The following GOLM2 variants were observed in gnomAD, a reference collection of about 807,000 sequenced individuals.
The protein encoded by GOLM2 is golgi membrane protein 2, also known as protein GOLM2.
A neutral mutation model predicts 55.9 loss-of-function variants in GOLM2; 26 were observed. The observed-to-expected ratio is 0.47, with a 90% CI of 0.34 to 0.65. The LOEUF (loss-of-function observed/expected upper bound fraction) is 0.65. Ranked by LOEUF, GOLM2 falls within the 30% of genes least tolerant of loss-of-function variation. GOLM2 has a pLI of 0.01. For missense variants in GOLM2, 486 were observed against 531.8 expected (o/e 0.91, Z 0.85); for synonymous variants, 165 against 194.6 (o/e 0.85, Z 1.27).
intron 8 of GOLM2, among the ~76,000 whole-genome samples, chr15:44,383,959 G>A (rs191590600): frequency 9.2e-5 from 14 of 152,178 alleles, no homozygotes; most frequent in South Asian, 8.3e-4. Context: ...GATTACAAGC[G>A]TGAGCCACCA....
chr15:44,402,955 G>C lies in GOLM2; in HGVS notation c.1141G>C (p.Gly381Arg). 1.9e-6 allele frequency: 3 copies of C among 1,614,028 alleles called. No homozygotes were observed. Among genetic ancestry groups the C allele is most frequent in the Non-Finnish European group, 2.5e-6 (3 of 1,179,998 alleles). ...TGGCTCTAAACTGGCGGATTATAAT[G>C]GGGATGATGGTAACGTAGGTGAGTA... is the stretch of plus-strand genomic sequence containing the variant. ...QHGSKLADYN[G>R]DDGNVGEYEA... The change falls in exon 9 of 10, where the codon GGG becomes CGG. Residue 381 changes from glycine (G) to arginine (R), a missense_variant. Gly to Arg is a moderately radical substitution (Grantham distance 125). Transcript: ENST00000299957.
intron 1 of GOLM2, among the ~76,000 whole-genome samples, chr15:44,300,152 AGGAGGAAAGAGAAGGAAGGAAGGAAG>A (rs2078787302): frequency 7.0e-6 from 1 of 141,900 alleles, no homozygotes; most frequent in Non-Finnish European, 1.5e-5. Context: ...AGGGGAGGGG[AGGAGGAAAGAGAAGGAAGGAAGGAAG>A]GGAGGGAAGG....
intron 2 of GOLM2, among the ~76,000 whole-genome samples, chr15:44,323,441 C>A (rs1420009254): frequency 6.6e-6 from 1 of 151,080 alleles, no homozygotes; most frequent in Non-Finnish European, 1.5e-5. Flanking sequence ...GTTTTAGATA[C>A]CCTGGGAACA....
chr15:44,325,999 C>T (rs1369343443), intron 2 of GOLM2, among the ~76,000 whole-genome samples: 1 of 151,896 alleles, frequency 6.6e-6, no homozygotes, highest in Non-Finnish European at 1.5e-5. Context: ...CACGGTGGCT[C>T]ACGCTTGTAA....
intron 6 of GOLM2, among the ~76,000 whole-genome samples, chr15:44,364,393 G>A (rs1009718541): frequency 4.1e-5 from 6 of 148,070 alleles, no homozygotes; most frequent in Non-Finnish European, 7.5e-5. Context: ...AGGTGTGGCC[G>A]GGCGCGGTGG....
At chr15:44,395,834 G>A (rs150115497) in intron 8 of GOLM2, among the ~76,000 whole-genome samples, 145 of 151,646 alleles carry the variant, frequency 9.6e-4, no homozygotes, top group African/African-American at 2.6e-3. Flanking sequence ...ACAAGACTCC[G>A]TCTCAAAAAT....
chr15:44,314,792 A>T (rs1285152914), intron 1 of GOLM2, among the ~76,000 whole-genome samples: 1 of 152,164 alleles, frequency 6.6e-6, no homozygotes, highest in Admixed American at 6.5e-5. Flanking sequence ...TATTTGAGAA[A>T]GTATTCAAAA....
chr15:44,323,428 A>T (rs1255932400), intron 2 of GOLM2, among the ~76,000 whole-genome samples: 3 of 152,030 alleles, frequency 2.0e-5, no homozygotes, highest in African/African-American at 7.2e-5. Flanking sequence ...CTCCAAGCTT[A>T]AGGTTTTAGA....
At chr15:44,305,306 A>G (rs181748561) in intron 1 of GOLM2, among the ~76,000 whole-genome samples, 9 of 151,860 alleles carry the variant, frequency 5.9e-5, no homozygotes, top group African/African-American at 2.2e-4. Flanking sequence ...AAATTATTAT[A>G]ATTTTTTTTT....
intron 1 of GOLM2, among the ~76,000 whole-genome samples, chr15:44,315,396 G>A (rs989316877): frequency 6.6e-6 from 1 of 152,190 alleles, no homozygotes; most frequent in African/African-American, 2.4e-5. Flanking sequence ...CATTTTCAAG[G>A]TTCCCCCAAA....
intron 1 of GOLM2, among the ~76,000 whole-genome samples, chr15:44,321,502 G>C (rs954024690): frequency 2.0e-5 from 3 of 149,908 alleles, no homozygotes; most frequent in Non-Finnish European, 3.0e-5. Context: ...TGGGGGGATA[G>C]CATGAGGGAG....
chr15:44,372,180 C>T (rs1360976716), intron 6 of GOLM2, among the ~76,000 whole-genome samples: 1 of 152,148 alleles, frequency 6.6e-6, no homozygotes, highest in Non-Finnish European at 1.5e-5. Flanking sequence ...GCAGTAGAAC[C>T]ACCTTTGGAG....
chr15:44,314,099 T>C (rs2078892134), intron 1 of GOLM2, among the ~76,000 whole-genome samples: 1 of 151,292 alleles, frequency 6.6e-6, no homozygotes, highest in Non-Finnish European at 1.5e-5. Context: ...TAGCCGGGTG[T>C]TGTGGCGGGC....
At position 44,338,247 on chromosome 15, in the gene GOLM2, A is replaced by G. The variant is rs202050874; in HGVS notation, c.732A>G (p.Lys244=). The G allele has an allele frequency of 3.1e-5, 50 of 1,613,592 alleles. No individual in the cohort carries two copies. The East Asian group carries it at 1.0e-3, about 33-fold the overall frequency. The change falls in exon 6 of 10, where the codon AAA becomes AAG. Residue 244 remains lysine, a synonymous_variant. Coordinates refer to ENST00000299957, the MANE Select transcript of GOLM2 (RefSeq NM_138423.4). ...NHIPHGKEQI[K]RGGDAGMPGI... is the part of the protein sequence containing the mutation. Reference sequence around the variant, plus strand: ...TTGTTACTTGGGCAGAACAAATCAAAAGAGGTGGTGATGCAGGGATGCCTG... The same window carrying G: ...TTGTTACTTGGGCAGAACAAATCAAGAGAGGTGGTGATGCAGGGATGCCTG...
chr15:44,409,736 G>T (rs145469630), intron 9 of GOLM2: 2 of 146,140 alleles, frequency 1.4e-5, no homozygotes, highest in African/African-American at 5.1e-5. Context: ...GTAAAACCCC[G>T]TCTCTACTAA....
intron 8 of GOLM2, among the ~76,000 whole-genome samples, chr15:44,402,172 T>C (rs1188040819): frequency 1.3e-5 from 2 of 151,448 alleles, no homozygotes; most frequent in East Asian, 3.9e-4. Flanking sequence ...TATAATATAC[T>C]GGCCTGTTAT....
intron 6 of GOLM2, among the ~76,000 whole-genome samples, chr15:44,369,067 T>TATATATATATA (rs1555424961): frequency 3.5e-4 from 8 of 22,976 alleles, no homozygotes; most frequent in African/African-American, 1.2e-3. Flanking sequence ...ATAGGATATA[T>TATATATATATA]TATATATATA....
At chr15:44,302,449 T>C (rs1179495783) in intron 1 of GOLM2, among the ~76,000 whole-genome samples, 1 of 150,758 alleles carries the variant, frequency 6.6e-6, no homozygotes, top group East Asian at 2.0e-4. Context: ...CTAGTGGTTC[T>C]AGTTTTTTTC....
intron 6 of GOLM2, among the ~76,000 whole-genome samples, chr15:44,344,573 TA>T (rs1253899862): frequency 6.6e-6 from 1 of 151,840 alleles, no homozygotes; most frequent in African/African-American, 2.4e-5. Context: ...TTTAAACTTT[TA>T]AAATCTTTTT....
Sources: gnomAD v4.1 joint callset for allele counts (sites outside exome capture counted in the v4.1 genomes callset) on GRCh38, gnomAD v4.1.1 for gene constraint, MANE v1.5 for transcripts, NCBI Gene and HGNC (gene_info 2026-07-23, HGNC 2026-07-21) for gene names.